The following NEBL variants were observed in gnomAD, a reference collection of about 807,000 sequenced individuals.
NEBL encodes nebulette.
In NEBL, 122 loss-of-function variants were observed where a neutral mutation model predicts 140.2. That is an observed-to-expected ratio of 0.87 (90% confidence interval 0.75 to 1.01). The LOEUF (loss-of-function observed/expected upper bound fraction) is 1.01, where lower values mean the gene tolerates loss of function less well. Among genes scored for constraint, NEBL ranks in the 50% least tolerant of loss-of-function variants. NEBL has a pLI of 0.00. For synonymous variants in NEBL, 436 were observed against 398.9 expected (o/e 1.09, Z -1.11); for missense variants, 1,365 against 1,231.3 (o/e 1.11, Z -1.62).
chr10:21,248,622 G>C (rs562872570), intron 2 of NEBL, among the ~76,000 whole-genome samples: 26 of 152,174 alleles, frequency 1.7e-4, no homozygotes, highest in Non-Finnish European at 3.7e-4. Context: ...ATGCTGCTAT[G>C]AACATGAGGT....
chr10:20,857,479 TGAGA>T (rs773531853), intron 9 of NEBL, among the ~76,000 whole-genome samples: 2 of 152,044 alleles, frequency 1.3e-5, no homozygotes, highest in Non-Finnish European at 2.9e-5. Context: ...AGCAAGTGAG[TGAGA>T]AAGTGATTAT....
chr10:21,178,402 C>T (rs1333007336), upstream of NEBL, among the ~76,000 whole-genome samples: 2 of 152,060 alleles, frequency 1.3e-5, no homozygotes, highest in African/African-American at 2.4e-5. Context: ...ATGATAAATG[C>T]TCTAAAATAA....
At chr10:21,196,347 T>C (rs888265109) in intron 3 of NEBL, among the ~76,000 whole-genome samples, 8 of 148,254 alleles carry the variant, frequency 5.4e-5, no homozygotes, top group East Asian at 2.0e-4. Context: ...ATTTATTTAT[T>C]TATCTATTTA....
intron 11 of NEBL, chr10:20,845,617 C>T (rs1234844701): frequency 7.3e-6 from 3 of 410,530 alleles, no homozygotes; most frequent in Non-Finnish European, 1.3e-5. Context: ...TAACATCTTA[C>T]TAGCCTAGGA....
intron 20 of NEBL, chr10:20,818,557 G>T: frequency 6.5e-6 from 1 of 153,922 alleles, no homozygotes; most frequent in Non-Finnish European, 1.4e-5. Flanking sequence ...TGCCAGTCAA[G>T]CCAGGTCTTC....
intron 4 of NEBL, among the ~76,000 whole-genome samples, chr10:20,922,775 T>C (rs1304592508): frequency 6.6e-6 from 1 of 152,152 alleles, no homozygotes; most frequent in Non-Finnish European, 1.5e-5. Context: ...TCCCATCCCT[T>C]CCGTTGCTCC....
chr10:20,988,749 A>C (rs1306123985), intron 3 of NEBL, among the ~76,000 whole-genome samples: 1 of 152,214 alleles, frequency 6.6e-6, no homozygotes, highest in Non-Finnish European at 1.5e-5. Flanking sequence ...GCATGAGCAC[A>C]CTGCAAGCAG....
At chr10:21,074,167 C>T (rs982777069) in intron 2 of NEBL, among the ~76,000 whole-genome samples, 2 of 152,234 alleles carry the variant, frequency 1.3e-5, no homozygotes, top group South Asian at 2.1e-4. Context: ...CAAATCCTCA[C>T]CCTTTCAGGA....
At chr10:21,200,878 G>A (rs934989019) in intron 3 of NEBL, among the ~76,000 whole-genome samples, 9 of 152,162 alleles carry the variant, frequency 5.9e-5, no homozygotes, top group Admixed American at 1.3e-4. Context: ...AGGATTGTGC[G>A]AGCCCAGGAG....
intron 2 of NEBL, among the ~76,000 whole-genome samples, chr10:21,056,193 G>A (rs1164041883): frequency 6.6e-6 from 1 of 152,142 alleles, no homozygotes; most frequent in Non-Finnish European, 1.5e-5. Context: ...ATTAGGTTTT[G>A]CAAGGTAGGA....
intron 9 of NEBL, among the ~76,000 whole-genome samples, chr10:20,852,950 G>C (rs1036924994): frequency 6.6e-6 from 1 of 152,212 alleles, no homozygotes; most frequent in Non-Finnish European, 1.5e-5. Context: ...CTAGCGCTAG[G>C]ACATGCGGAA....
At chr10:20,880,727 TA>T in intron 5 of NEBL, 66 bp downstream of exon 5, 1 of 1,193,358 alleles carries the variant, frequency 8.4e-7, no homozygotes, top group Non-Finnish European at 1.3e-6. Flanking sequence ...TTCAGCAAAA[TA>T]AACATAAGCC....
At position 20,808,503 on chromosome 10, in the gene NEBL, T is replaced by C. The variant is rs570519725; in HGVS notation, c.2761+7A>G. Reference sequence around the variant, plus strand: ...GATTTTCTTTGTAAGCAGTGAATGTTTGATACCTCCTTCATCAGACGGTCT... The same window carrying C: ...GATTTTCTTTGTAAGCAGTGAATGTCTGATACCTCCTTCATCAGACGGTCT... On this transcript the variant is annotated splice_region_variant and intron_variant, in intron 26 of 27. Transcript: ENST00000377122. 6.2e-7 allele frequency: 1 copy of C among 1,613,840 alleles called. No individual in the cohort carries two copies. The highest frequency in any genetic ancestry group is 1.7e-5 in the Admixed American group (1 of 60,018).
At position 20,879,749 on chromosome 10, in the gene NEBL, T is replaced by C. The variant is rs1021078239; in HGVS notation, c.480+1045A>G. Among the ~76,000 whole-genome samples the C allele has an allele frequency of 2.6e-5, 4 of 152,088 alleles. No homozygotes were observed. The South Asian group carries it at 6.2e-4, about 24-fold the overall frequency. Reference sequence around the variant, plus strand: ...CCCAAAAAAGATAGGCATTTTATCTTAACTGATTTTAATGCATAAAGAACC... The same window carrying C: ...CCCAAAAAAGATAGGCATTTTATCTCAACTGATTTTAATGCATAAAGAACC... On this transcript the variant is annotated intron_variant, in intron 5 of 27. Coordinates refer to ENST00000377122, the MANE Select transcript of NEBL (RefSeq NM_006393.3).
intron 3 of NEBL, among the ~76,000 whole-genome samples, chr10:21,009,072 A>C (rs775209485): frequency 6.6e-6 from 1 of 152,156 alleles, no homozygotes; most frequent in Non-Finnish European, 1.5e-5. Context: ...GAAAACTTAT[A>C]TAACAGATAT....
At chr10:21,201,002 G>C (rs1841726459) in intron 3 of NEBL, among the ~76,000 whole-genome samples, 1 of 151,834 alleles carries the variant, frequency 6.6e-6, no homozygotes, top group Non-Finnish European at 1.5e-5. Flanking sequence ...GATTGCTTGA[G>C]CCCAGGAGAT....
intron 4 of NEBL, among the ~76,000 whole-genome samples, chr10:20,920,646 GA>G (rs1370702044): frequency 6.6e-6 from 1 of 151,762 alleles, no homozygotes; most frequent in Non-Finnish European, 1.5e-5. Flanking sequence ...ATAAAAAGAA[GA>G]AAAAATATTT....
At position 21,156,308 on chromosome 10, in the gene NEBL, A is replaced by G. The variant is rs184390600; in HGVS notation, c.164+16075T>C. On this transcript the variant is annotated intron_variant, in intron 2 of 6. Transcript: ENST00000417816. Reference sequence around the variant, plus strand: ...CAAATGTGCTTTTGTACAAATGGACAAAGAGTTATCAAAAAATTAACTCAA... The same window carrying G: ...CAAATGTGCTTTTGTACAAATGGACGAAGAGTTATCAAAAAATTAACTCAA... Among the ~76,000 whole-genome samples, 16 of 152,358 alleles carry G rather than the reference A, an allele frequency of 1.1e-4. No homozygotes were observed. In the East Asian group the frequency reaches 2.7e-3, roughly 26 times the overall value.
chr10:20,818,320 G>C lies in NEBL; in HGVS notation c.2056-628C>G, dbSNP rs139137124. Among the ~76,000 whole-genome samples the C allele has an allele frequency of 7.6e-3, 1,142 of 149,454 alleles. 17 individuals are homozygous for C. The highest frequency in any genetic ancestry group is 0.026 in the African/African-American group (1,075 of 40,970). On this transcript the variant is annotated intron_variant, in intron 20 of 27. Coordinates refer to ENST00000377122, the MANE Select transcript of NEBL (RefSeq NM_006393.3). ...AGCTGGGTGGGGGGGCTGGGGGTGG[G>C]AGGCCAGCATGTCCTCTGACCTCCC...
Sources: allele counts gnomAD v4.1 joint callset (sites outside exome capture counted in the v4.1 genomes callset), GRCh38; gene constraint gnomAD v4.1.1; transcripts MANE v1.5; gene names NCBI Gene and HGNC (gene_info 2026-07-23, HGNC 2026-07-21).